Variants in ZNF362 observed in about 807,000 individuals in gnomAD.
ZNF362 encodes the protein zinc finger protein 362.
A neutral mutation model predicts 42.9 loss-of-function variants in ZNF362; 11 were observed. That is an observed-to-expected ratio of 0.26 (90% CI 0.16 to 0.42). ZNF362 has a LOEUF of 0.42. ZNF362 is among the 20% of genes least tolerant of loss of function. The pLI is 1.00. For synonymous variants in ZNF362, 255 were observed against 257.3 expected (o/e 0.99, Z 0.09); for missense variants, 362 against 576.2 (o/e 0.63, Z 3.81).
the ZNF362 span, among the ~76,000 whole-genome samples, chr1:33,177,071 A>ACACACACATG: frequency 1.8e-4 from 2 of 11,114 alleles, no homozygotes; most frequent in African/African-American, 5.9e-4. This position sits in a 1 kb window ranked among gnomAD's most constrained non-coding sequence, Gnocchi z 4.1. Flanking sequence ...ACACATGCAC[A>ACACACACATG]CACACACATG....
At chr1:33,245,059 T>G in the ZNF362 span, among the ~76,000 whole-genome samples, 3 of 152,098 alleles carry the variant, frequency 2.0e-5, no homozygotes, top group African/African-American at 7.2e-5. Context: ...CCTGGGAATT[T>G]GATGAATGAA....
chr1:33,293,031 C>T (rs1483007788), intron 6 of ZNF362, among the ~76,000 whole-genome samples: 1 of 152,222 alleles, frequency 6.6e-6, no homozygotes, highest in African/African-American at 2.4e-5. Flanking sequence ...GACTGGGGCC[C>T]GTCCCTGCCC....
chr1:33,154,875 T>C, the ZNF362 span, among the ~76,000 whole-genome samples: 1 of 150,466 alleles, frequency 6.6e-6, no homozygotes, highest in South Asian at 2.1e-4. Context: ...GGGCAGAACA[T>C]GAGGTCAGGA....
chr1:33,189,709 G>GTGTATATATATATATATATA, the ZNF362 span, among the ~76,000 whole-genome samples: 221 of 12,392 alleles, frequency 0.018, 6 homozygotes, highest in Admixed American at 0.03. Flanking sequence ...ACATATATAC[G>GTGTATATATATATATATATA]TATATATATA....
the ZNF362 span, among the ~76,000 whole-genome samples, chr1:33,151,916 C>T: frequency 1.3e-5 from 2 of 152,228 alleles, no homozygotes; most frequent in Non-Finnish European, 2.9e-5. Flanking sequence ...TCTTTGTTCT[C>T]AAGAACAGAG....
At chr1:33,280,000 C>A (rs1269920513) in intron 4 of ZNF362, 124 bp from the exon 5 acceptor site, 4 of 1,176,786 alleles carry the variant, frequency 3.4e-6, no homozygotes, top group Non-Finnish European at 4.6e-6. Flanking sequence ...ATTTAGTTAC[C>A]CCTGGGTAAT....
At chr1:33,191,964 C>T in the ZNF362 span, among the ~76,000 whole-genome samples, 1 of 152,202 alleles carries the variant, frequency 6.6e-6, no homozygotes, top group Admixed American at 6.5e-5. Flanking sequence ...TGCATAGTTT[C>T]CAGGCAAGAG....
chr1:33,280,058 G>A lies in ZNF362; in HGVS notation c.350-66G>A. The A allele has an allele frequency of 1.3e-6, 2 of 1,497,642 alleles. No homozygotes were observed. Among genetic ancestry groups the A allele is most frequent in the Non-Finnish European group, 1.8e-6 (2 of 1,123,178 alleles). 92.8% of individuals were successfully genotyped at this position (1,497,642 alleles called of 1,614,324 possible). On this transcript the variant is annotated intron_variant, in intron 4 of 8. Coordinates refer to ENST00000539719, the MANE Select transcript of ZNF362 (RefSeq NM_152493.3). The surrounding 1 kb of genome is among the most constrained non-coding windows in gnomAD (Gnocchi z 5.6). ...GCTCGCCTGCCAAAATCACATAGCT[G>A]GGTGGGCAGCTGAGCTGGCCTCTGC...
chr1:33,257,426 CT>C lies in ZNF362; in HGVS notation c.-89+787del, dbSNP rs921311790. ...TTTGCTTCTCTTTCTTTCTTTCTTT[CT>C]TTTTTTTTTTTTTTGGAAGGCGGTG... is the stretch of plus-strand genomic sequence containing the variant. On this transcript the variant is annotated intron_variant, in intron 1 of 8. Coordinates refer to ENST00000539719, the MANE Select transcript of ZNF362 (RefSeq NM_152493.3). Among the ~76,000 whole-genome samples the C allele has an allele frequency of 4.8e-3, 659 of 136,834 alleles. 1 individual carries two copies. Among genetic ancestry groups the C allele is most frequent in the African/African-American group, 9.1e-3 (339 of 37,452 alleles). The allele number at this position is 136,834 out of a possible 152,430, so 89.8% of individuals were successfully genotyped here. A position where few individuals can be genotyped will look rare whatever the true frequency, so the allele number is the denominator to read the frequency against.
chr1:33,199,833 GGGAAACCCCATC>G, the ZNF362 span: 1 of 152,046 alleles, frequency 6.6e-6, no homozygotes, highest in Non-Finnish European at 1.5e-5. Flanking sequence ...TCCTGGCATG[GGGAAACCCCATC>G]TCTACTAAAA....
At chr1:33,220,482 G>T in the ZNF362 span, among the ~76,000 whole-genome samples, 2 of 152,062 alleles carry the variant, frequency 1.3e-5, no homozygotes, top group Admixed American at 6.5e-5. Context: ...GGGAGTCAGG[G>T]CAGAGCCATC....
At chr1:33,291,439 C>T (rs1646077308) in intron 6 of ZNF362, among the ~76,000 whole-genome samples, 2 of 152,160 alleles carry the variant, frequency 1.3e-5, no homozygotes, top group Non-Finnish European at 2.9e-5. Flanking sequence ...TGTTTTGGTA[C>T]CAGTATCATG....
chr1:33,170,803 CCT>C, the ZNF362 span, among the ~76,000 whole-genome samples: 199 of 152,316 alleles, frequency 1.3e-3, 1 homozygote, highest in Admixed American at 9.6e-3. Context: ...TGTCACCTAA[CCT>C]CTCTGTGCCC....
chr1:33,169,825 G>A, the ZNF362 span, among the ~76,000 whole-genome samples: 10 of 152,302 alleles, frequency 6.6e-5, no homozygotes, highest in South Asian at 1.7e-3. Context: ...AGAACTGCCC[G>A]TTCTACCAGA....
At chr1:33,133,204 C>G in the ZNF362 span, among the ~76,000 whole-genome samples, 1 of 152,236 alleles carries the variant, frequency 6.6e-6, no homozygotes, top group South Asian at 2.1e-4. Flanking sequence ...TTCAACAGAT[C>G]CTGGACAAGG....
intron 6 of ZNF362, among the ~76,000 whole-genome samples, chr1:33,283,440 C>T (rs1646010991): frequency 1.3e-5 from 2 of 152,168 alleles, no homozygotes; most frequent in African/African-American, 4.8e-5. Context: ...GGCTCAGTGG[C>T]TCATGCCTGT....
the ZNF362 span, among the ~76,000 whole-genome samples, chr1:33,187,757 C>G: frequency 6.6e-6 from 1 of 152,326 alleles, no homozygotes; most frequent in African/African-American, 2.4e-5. Flanking sequence ...TCCCTACCCT[C>G]TGAGAACTAG....
At chr1:33,208,293 T>C in the ZNF362 span, among the ~76,000 whole-genome samples, 2 of 152,190 alleles carry the variant, frequency 1.3e-5, no homozygotes, top group Non-Finnish European at 1.5e-5. Context: ...TCTATATATC[T>C]GTTTTGGTAC....
At chr1:33,250,863 A>AAGAAGAAGAAGAAGG in the ZNF362 span, among the ~76,000 whole-genome samples, 1 of 147,396 alleles carries the variant, frequency 6.8e-6, no homozygotes, top group Non-Finnish European at 1.5e-5. Flanking sequence ...GAAGAAGAAG[A>AAGAAGAAGAAGAAGG]AGAAGAAGAA....
Sources: gnomAD v4.1 joint callset for allele counts (sites outside exome capture counted in the v4.1 genomes callset) on GRCh38, gnomAD v4.1.1 for gene constraint, Gnocchi (gnomAD v3.1) non-coding constraint, MANE v1.5 for transcripts, NCBI Gene and HGNC (gene_info 2026-07-23, HGNC 2026-07-21) for gene names.